RPGRIP1L: variants seen among roughly 807,000 people sequenced by gnomAD.
RPGRIP1L encodes the protein protein fantom.
A neutral mutation model predicts 160.4 loss-of-function variants in RPGRIP1L; 131 were observed. That is an observed-to-expected ratio of 0.82 (90% CI 0.71 to 0.94). RPGRIP1L has a LOEUF of 0.94. Among genes scored for constraint, RPGRIP1L ranks in the 40% least tolerant of loss-of-function variants. The pLI is 0.00. For synonymous variants in RPGRIP1L, 510 were observed against 515.8 expected (o/e 0.99, Z 0.15); for missense variants, 1,522 against 1,535.8 (o/e 0.99, Z 0.15).
intron 6 of RPGRIP1L, among the ~76,000 whole-genome samples, chr16:53,682,654 G>C (rs1013649778): frequency 6.6e-6 from 1 of 152,086 alleles, no homozygotes; most frequent in African/African-American, 2.4e-5. Context: ...CCCCAAGCTT[G>C]AGCTTGGCCC....
At chr16:53,625,180 C>A (rs997509987) in intron 22 of RPGRIP1L, among the ~76,000 whole-genome samples, 2 of 152,094 alleles carry the variant, frequency 1.3e-5, no homozygotes, top group Non-Finnish European at 1.5e-5. Flanking sequence ...TCTGCCCGGC[C>A]GCCACCCCGT....
chr16:53,680,485 A>G (rs888541707), intron 6 of RPGRIP1L, among the ~76,000 whole-genome samples: 2 of 152,034 alleles, frequency 1.3e-5, no homozygotes, highest in Non-Finnish European at 2.9e-5. Context: ...GGATATTTAG[A>G]AGACATGATA....
At chr16:53,677,475 T>C (rs1430289086) in intron 6 of RPGRIP1L, among the ~76,000 whole-genome samples, 2 of 152,134 alleles carry the variant, frequency 1.3e-5, no homozygotes, top group African/African-American at 4.8e-5. Context: ...AGGAGGATAA[T>C]CTGTTAAACT....
At chr16:53,644,761 A>G (rs543006095) in intron 17 of RPGRIP1L, among the ~76,000 whole-genome samples, 1 of 152,206 alleles carries the variant, frequency 6.6e-6, no homozygotes, top group Non-Finnish European at 1.5e-5. Flanking sequence ...AAATAAAAAC[A>G]TTCCCAGATA....
intron 22 of RPGRIP1L, among the ~76,000 whole-genome samples, chr16:53,631,400 T>C (rs1965511932): frequency 6.6e-6 from 1 of 152,206 alleles, no homozygotes; most frequent in Admixed American, 6.5e-5. Context: ...GAAGAGTCCA[T>C]TGCTCTTTCA....
chr16:53,673,809 A>T (rs1447317310), intron 7 of RPGRIP1L, among the ~76,000 whole-genome samples: 1 of 152,006 alleles, frequency 6.6e-6, no homozygotes, highest in Non-Finnish European at 1.5e-5. Context: ...TAGGCTCCAC[A>T]CTTCACTGAG....
At chr16:53,627,144 T>C (rs1598269104) in intron 22 of RPGRIP1L, among the ~76,000 whole-genome samples, 1 of 152,204 alleles carries the variant, frequency 6.6e-6, no homozygotes, top group Admixed American at 6.5e-5. Flanking sequence ...TCCTCTGGTT[T>C]CAGCCACTAC....
At chr16:53,664,693 G>A (rs1968085884) in intron 10 of RPGRIP1L, among the ~76,000 whole-genome samples, 177 bp downstream of exon 10, 1 of 152,102 alleles carries the variant, frequency 6.6e-6, no homozygotes, top group Admixed American at 6.6e-5. Flanking sequence ...TATACACTAA[G>A]CTGAGTATGA....
intron 22 of RPGRIP1L, among the ~76,000 whole-genome samples, chr16:53,627,034 T>C (rs1447508475): frequency 6.6e-6 from 1 of 152,204 alleles, no homozygotes; most frequent in Non-Finnish European, 1.5e-5. Flanking sequence ...ATTCATACTT[T>C]GGATCATATT....
Position 53,677,931 on chromosome 16 carries a change from G to C in RPGRIP1L, c.777-2809C>G, listed in dbSNP as rs369761163. On this transcript the variant is annotated intron_variant, in intron 6 of 26. Coordinates refer to ENST00000647211, the MANE Select transcript of RPGRIP1L (RefSeq NM_015272.5). The stretch of plus-strand genomic sequence containing the variant: ...ATTCTAACAGAAAGAATAATGCATG[G>C]TAAAAACATTCAGACATTCGGATGA... Among the ~76,000 whole-genome samples the C allele has an allele frequency of 7.2e-5, 11 of 152,230 alleles. 1 individual carries two copies. The South Asian group carries it at 2.3e-3, about 32-fold the overall frequency.
chr16:53,603,500 T>C (rs1963492289), intron 26 of RPGRIP1L, among the ~76,000 whole-genome samples: 1 of 152,142 alleles, frequency 6.6e-6, no homozygotes, highest in African/African-American at 2.4e-5. Context: ...AGCTAACTTA[T>C]ATATTTTCTT....
At chr16:53,698,121 C>A (rs909652226) in intron 2 of RPGRIP1L, among the ~76,000 whole-genome samples, 1 of 151,564 alleles carries the variant, frequency 6.6e-6, no homozygotes. Context: ...AGACCCTCCG[C>A]CCGGCAACCG....
chr16:53,648,866 G>A, intron 16 of RPGRIP1L, 98 bp downstream of exon 16: 1 of 1,108,136 alleles, frequency 9.0e-7, no homozygotes, highest in East Asian at 2.5e-5. Context: ...AAAGACACTT[G>A]ATGGCTGTGA....
chr16:53,664,825 A>G (rs369356969), intron 10 of RPGRIP1L, 45 bp downstream of exon 10: 1 of 1,596,628 alleles, frequency 6.3e-7, no homozygotes, highest in Middle Eastern at 1.8e-4. Context: ...ATGAAGAAAC[A>G]TTAGATGTCT....
Position 53,648,660 on chromosome 16 carries a change from A to G in RPGRIP1L, c.2304+304T>C, listed in dbSNP as rs189252764. 6.4e-3 allele frequency among the ~76,000 whole-genome samples: 969 copies of G among 152,086 alleles called. 10 individuals carry two copies. The highest frequency in any genetic ancestry group is 0.022 in the African/African-American group (907 of 41,452). The stretch of plus-strand genomic sequence containing the variant: ...CACACACACACACACACACACACAA[A>G]AGTGCATGTAAAAACTGACGAAATC... On this transcript the variant is annotated intron_variant, in intron 16 of 26. Coordinates refer to ENST00000647211, the MANE Select transcript of RPGRIP1L (RefSeq NM_015272.5).
chr16:53,632,635 C>G (rs941472017), intron 22 of RPGRIP1L, among the ~76,000 whole-genome samples: 6 of 152,094 alleles, frequency 3.9e-5, no homozygotes, highest in Admixed American at 3.9e-4. Flanking sequence ...TGGATTATGC[C>G]TCCCTTTTCA....
intron 17 of RPGRIP1L, among the ~76,000 whole-genome samples, chr16:53,645,275 AATAC>A (rs926467899): frequency 6.6e-6 from 1 of 152,104 alleles, no homozygotes; most frequent in African/African-American, 2.4e-5. Context: ...GTTGGTATAT[AATAC>A]ATAGAGATGC....
At chr16:53,701,518 A>G (rs1355210870) in intron 1 of RPGRIP1L, among the ~76,000 whole-genome samples, 1 of 150,290 alleles carries the variant, frequency 6.7e-6, no homozygotes, top group African/African-American at 2.5e-5. Flanking sequence ...GGTCCACACA[A>G]TATCTAGTAT....
intron 22 of RPGRIP1L, among the ~76,000 whole-genome samples, chr16:53,625,221 AC>A (rs1231794152): frequency 6.7e-6 from 1 of 150,346 alleles, no homozygotes; most frequent in African/African-American, 2.5e-5. Flanking sequence ...CTGCCTGGCC[AC>A]CCATTGTCTG....
Sources: gnomAD v4.1 joint callset for allele counts (sites outside exome capture counted in the v4.1 genomes callset) on GRCh38, gnomAD v4.1.1 for gene constraint, MANE v1.5 for transcripts, NCBI Gene and HGNC (gene_info 2026-07-23, HGNC 2026-07-21) for gene names.